ABTB3: variants seen among roughly 807,000 people sequenced by gnomAD.
The protein encoded by ABTB3 is ankyrin repeat and BTB domain containing 3.
the ABTB3 span, among the ~76,000 whole-genome samples, chr12:107,482,776 CCCTTCCTT>C: frequency 6.6e-6 from 1 of 151,052 alleles, no homozygotes; most frequent in African/African-American, 2.4e-5. Context: ...TTGCCTTCCT[CCCTTCCTT>C]CCTTCCTTCC....
chr12:107,578,769 T>G, the ABTB3 span, among the ~76,000 whole-genome samples: 1 of 152,052 alleles, frequency 6.6e-6, no homozygotes, highest in Non-Finnish European at 1.5e-5. Context: ...AATGGGAGAA[T>G]GAGGGAGACA....
At chr12:107,335,161 C>A in the ABTB3 span, among the ~76,000 whole-genome samples, 5 of 151,662 alleles carry the variant, frequency 3.3e-5, no homozygotes, top group Admixed American at 6.6e-5. Flanking sequence ...GTGGCATGCA[C>A]CTGTCATCCC....
At chr12:107,482,857 TTCTC>T in the ABTB3 span, among the ~76,000 whole-genome samples, 23 of 151,608 alleles carry the variant, frequency 1.5e-4, no homozygotes, top group Admixed American at 8.5e-4. Flanking sequence ...TCTTCTCTTG[TTCTC>T]TCTCTCTTTC....
At chr12:107,457,504 C>A in the ABTB3 span, among the ~76,000 whole-genome samples, 1 of 152,208 alleles carries the variant, frequency 6.6e-6, no homozygotes, top group Non-Finnish European at 1.5e-5. Context: ...GGGTCCCAGG[C>A]AGGCTGATCT....
the ABTB3 span, among the ~76,000 whole-genome samples, chr12:107,511,720 T>C: frequency 1.3e-5 from 2 of 152,148 alleles, no homozygotes; most frequent in African/African-American, 2.4e-5. Flanking sequence ...AGACTGTTGA[T>C]GGAAGGAACT....
the ABTB3 span, chr12:107,620,232 G>A: frequency 1.9e-5 from 29 of 1,566,852 alleles, no homozygotes; most frequent in South Asian, 7.2e-5. Flanking sequence ...AGATCTGAAC[G>A]GTCTTTTAGC....
the ABTB3 span, among the ~76,000 whole-genome samples, chr12:107,411,468 G>A: frequency 6.6e-6 from 1 of 152,232 alleles, no homozygotes; most frequent in Non-Finnish European, 1.5e-5. Flanking sequence ...GCACCAATAA[G>A]TGCGGTGTCT....
the ABTB3 span, among the ~76,000 whole-genome samples, chr12:107,498,138 G>A: frequency 6.6e-6 from 1 of 152,218 alleles, no homozygotes; most frequent in African/African-American, 2.4e-5. Flanking sequence ...AAGTGATTCA[G>A]ATGCAGAGAG....
the ABTB3 span, among the ~76,000 whole-genome samples, chr12:107,620,592 C>T: frequency 2.6e-5 from 4 of 152,090 alleles, no homozygotes; most frequent in East Asian, 1.9e-4. Flanking sequence ...CGGGGATGGA[C>T]GATAGGAATC....
the ABTB3 span, among the ~76,000 whole-genome samples, chr12:107,328,957 C>T: frequency 6.6e-6 from 1 of 152,152 alleles, no homozygotes; most frequent in Admixed American, 6.5e-5. Flanking sequence ...CCGCCGGCTT[C>T]CCCTCTCCCT....
chr12:107,475,480 G>A, the ABTB3 span, among the ~76,000 whole-genome samples: 3 of 152,176 alleles, frequency 2.0e-5, no homozygotes, highest in Non-Finnish European at 4.4e-5. Context: ...GCAGCCTCCT[G>A]CCTGGTGGCC....
chr12:107,409,330 T>G, the ABTB3 span, among the ~76,000 whole-genome samples: 2 of 152,234 alleles, frequency 1.3e-5, no homozygotes, highest in African/African-American at 4.8e-5. Context: ...GCTTTTACAC[T>G]GTTGGCAGGA....
chr12:107,583,449 A>G, the ABTB3 span, among the ~76,000 whole-genome samples: 39 of 152,328 alleles, frequency 2.6e-4, no homozygotes, highest in African/African-American at 9.4e-4. Context: ...CCAACATCAC[A>G]CAGATGGTAA....
At chr12:107,410,595 G>A in the ABTB3 span, among the ~76,000 whole-genome samples, 2 of 152,166 alleles carry the variant, frequency 1.3e-5, no homozygotes, top group Admixed American at 1.3e-4. Flanking sequence ...GAATAGCCAT[G>A]GACTGGACCA....
At chr12:107,544,164 G>GCCTTT in the ABTB3 span, 1 of 1,604,044 alleles carries the variant, frequency 6.2e-7, no homozygotes, top group South Asian at 1.1e-5. Flanking sequence ...GCCTTGCCTT[G>GCCTTT]TGGTGGGTGG....
At chr12:107,591,464 C>A in the ABTB3 span, among the ~76,000 whole-genome samples, 2 of 152,118 alleles carry the variant, frequency 1.3e-5, no homozygotes, top group African/African-American at 4.8e-5. Flanking sequence ...GGGGGAGGGG[C>A]TACACACTTT....
the ABTB3 span, among the ~76,000 whole-genome samples, chr12:107,467,623 C>CACAA: frequency 6.6e-6 from 1 of 152,162 alleles, no homozygotes; most frequent in African/African-American, 2.4e-5. Context: ...TACACACACA[C>CACAA]ACAAACACAC....
the ABTB3 span, among the ~76,000 whole-genome samples, chr12:107,390,309 T>G: frequency 6.6e-6 from 1 of 152,242 alleles, no homozygotes; most frequent in Non-Finnish European, 1.5e-5. Flanking sequence ...ATCTTCCTTT[T>G]ATGGATGAGA....
chr12:107,368,451 A>G, the ABTB3 span, among the ~76,000 whole-genome samples: 4 of 152,230 alleles, frequency 2.6e-5, no homozygotes, highest in Non-Finnish European at 4.4e-5. Context: ...TGACTATCAC[A>G]TAGTTGGCAC....
Sources: allele counts gnomAD v4.1 joint callset (sites outside exome capture counted in the v4.1 genomes callset), GRCh38; gene constraint gnomAD v4.1.1; transcripts MANE v1.5; gene names NCBI Gene and HGNC (gene_info 2026-07-23, HGNC 2026-07-21).